The following MACROD1 variants were observed in gnomAD, a reference collection of about 807,000 sequenced individuals.
MACROD1 encodes the protein ADP-ribose glycohydrolase MACROD1.
Under a neutral mutation model 41.4 loss-of-function variants are expected in MACROD1, and 31 were observed. The observed-to-expected ratio is 0.75, with a 90% CI of 0.56 to 1.01. The LOEUF is 1.01. Among genes scored for constraint, MACROD1 ranks in the 50% least tolerant of loss-of-function variants. MACROD1 has a pLI of 0.00. For missense variants in MACROD1, 473 were observed against 460.0 expected (o/e 1.03, Z -0.26); for synonymous variants, 252 against 203.4 (o/e 1.24, Z -2.03).
At chr11:64,005,409 C>A (rs564295620) in intron 4 of MACROD1, among the ~76,000 whole-genome samples, 5 of 152,272 alleles carry the variant, frequency 3.3e-5, no homozygotes, top group Non-Finnish European at 5.9e-5. Context: ...AGCCACACAG[C>A]AAAGTGTAAG....
chr11:64,145,100 G>C (rs1945475432), intron 3 of MACROD1, among the ~76,000 whole-genome samples: 1 of 152,224 alleles, frequency 6.6e-6, no homozygotes, highest in Non-Finnish European at 1.5e-5. Flanking sequence ...TGGGAGGAGG[G>C]CGGTGATAAG....
At chr11:64,016,564 G>T (rs1454501931) in intron 3 of MACROD1, among the ~76,000 whole-genome samples, 6 of 152,274 alleles carry the variant, frequency 3.9e-5, no homozygotes, top group Admixed American at 3.3e-4. Context: ...CGTGAGGACG[G>T]CATGGACGCT....
intron 3 of MACROD1, among the ~76,000 whole-genome samples, chr11:64,050,533 A>T (rs933331555): frequency 1.3e-5 from 2 of 152,148 alleles, no homozygotes; most frequent in Non-Finnish European, 2.9e-5. Flanking sequence ...TCTGTTCCCA[A>T]GGGTCACCTG....
chr11:64,066,744 C>T (rs1277741971), intron 3 of MACROD1, among the ~76,000 whole-genome samples: 1 of 152,208 alleles, frequency 6.6e-6, no homozygotes, highest in Non-Finnish European at 1.5e-5. Flanking sequence ...GGCTTCCTTC[C>T]TACCTTCCAG....
At chr11:64,125,412 TG>T (rs1273752446) in intron 3 of MACROD1, among the ~76,000 whole-genome samples, 1 of 152,184 alleles carries the variant, frequency 6.6e-6, no homozygotes, top group Admixed American at 6.5e-5. Context: ...GCACAGTGCC[TG>T]GCACACAGGG....
intron 2 of MACROD1, 53 bp from the exon 3 acceptor site, chr11:64,151,408 G>A: frequency 1.4e-6 from 2 of 1,400,588 alleles, no homozygotes. Flanking sequence ...ACTGCAGAGG[G>A]ACCCAGCCAG....
At chr11:64,130,699 C>T (rs1032204156) in intron 3 of MACROD1, among the ~76,000 whole-genome samples, 1 of 152,284 alleles carries the variant, frequency 6.6e-6, no homozygotes, top group Admixed American at 6.5e-5. Flanking sequence ...CCACACATGC[C>T]GCTGCCTCCC....
At chr11:64,054,735 T>C (rs1047831319) in intron 3 of MACROD1, among the ~76,000 whole-genome samples, 11 of 152,120 alleles carry the variant, frequency 7.2e-5, no homozygotes, top group African/African-American at 2.4e-4. Flanking sequence ...CTTCCTTGTT[T>C]CCTGCCTGAA....
At position 64,120,036 on chromosome 11, in the gene MACROD1, T is replaced by C. The variant is rs598436; in HGVS notation, c.517+31203A>G. 0.53 allele frequency among the ~76,000 whole-genome samples: 80,972 copies of C among 152,014 alleles called. 24,654 individuals carry two copies. The highest frequency in any genetic ancestry group is 0.68 in the Non-Finnish European group (46,369 of 67,964). On this transcript the variant is annotated intron_variant, in intron 3 of 10. Coordinates refer to ENST00000255681, the MANE Select transcript of MACROD1 (RefSeq NM_014067.4). This position sits in a 1 kb window ranked among gnomAD's most constrained non-coding sequence, Gnocchi z 4.5. Reference sequence around the variant, plus strand: ...GGAGGATGAGAGGGCTGGGAGCGCCTGGTGGTGCTATTTTCAAACGGCCTC... The same window carrying C: ...GGAGGATGAGAGGGCTGGGAGCGCCCGGTGGTGCTATTTTCAAACGGCCTC...
At chr11:64,151,199 A>G in intron 3 of MACROD1, 40 bp downstream of exon 3, 2 of 1,547,508 alleles carry the variant, frequency 1.3e-6, no homozygotes, top group African/African-American at 1.4e-5. Flanking sequence ...CAAAGGCAAC[A>G]GGGCGGCCAC....
chr11:64,097,847 G>A (rs1944605129), intron 3 of MACROD1, among the ~76,000 whole-genome samples: 1 of 152,122 alleles, frequency 6.6e-6, no homozygotes, highest in Non-Finnish European at 1.5e-5. Flanking sequence ...TGCAGATCAG[G>A]ACCAGGCTTG....
At chr11:64,025,486 A>C (rs1425752218) in intron 3 of MACROD1, among the ~76,000 whole-genome samples, 1 of 152,166 alleles carries the variant, frequency 6.6e-6, no homozygotes, top group Non-Finnish European at 1.5e-5. Context: ...GCATGGATGA[A>C]TCAACCTCAC....
At chr11:64,053,963 C>T (rs1943739442) in intron 3 of MACROD1, among the ~76,000 whole-genome samples, 2 of 152,234 alleles carry the variant, frequency 1.3e-5, no homozygotes, top group South Asian at 2.1e-4. Flanking sequence ...GCTGTTCCTG[C>T]GTTCCAGCAC....
In MACROD1 at chr11:64,081,532, C is replaced by G. The variant is rs116707890; in HGVS notation, c.518-66251G>C. On this transcript the variant is annotated intron_variant, in intron 3 of 10. Coordinates refer to ENST00000255681, the MANE Select transcript of MACROD1 (RefSeq NM_014067.4). The stretch of plus-strand genomic sequence containing the variant: ...TTCAGTGAACATCAGTGTAACACCC[C>G]CCCGACCCCATCGCAAACCACACAT... Among the ~76,000 whole-genome samples, 1,230 of 152,252 alleles carry G rather than the reference C, an allele frequency of 8.1e-3. 20 individuals are homozygous for G. Among genetic ancestry groups the G allele is most frequent in the African/African-American group, 0.029 (1,186 of 41,536 alleles).
At chr11:64,101,609 C>G (rs1411809240) in intron 3 of MACROD1, among the ~76,000 whole-genome samples, 1 of 152,178 alleles carries the variant, frequency 6.6e-6, no homozygotes, top group East Asian at 1.9e-4. Context: ...TTCCATCTCT[C>G]GCTTTCATGG....
At chr11:64,061,072 C>G (rs184659506) in intron 3 of MACROD1, among the ~76,000 whole-genome samples, 14 of 152,286 alleles carry the variant, frequency 9.2e-5, no homozygotes, top group African/African-American at 2.4e-4. Flanking sequence ...GCGTCCCCCC[C>G]ACTCCCAACC....
chr11:64,156,567 C>T (rs1270340409), intron 1 of MACROD1, among the ~76,000 whole-genome samples: 1 of 152,200 alleles, frequency 6.6e-6, no homozygotes, highest in East Asian at 1.9e-4. Flanking sequence ...CTGGCAGATG[C>T]CACCACCTTG....
At chr11:64,161,358 G>A (rs1945752606) in intron 1 of MACROD1, among the ~76,000 whole-genome samples, 1 of 152,176 alleles carries the variant, frequency 6.6e-6, no homozygotes, top group Non-Finnish European at 1.5e-5. Context: ...GATATCACAA[G>A]AGTGATTAGC....
At chr11:64,084,928 G>A (rs536735385) in intron 3 of MACROD1, among the ~76,000 whole-genome samples, 1 of 152,340 alleles carries the variant, frequency 6.6e-6, no homozygotes, top group African/African-American at 2.4e-5. Flanking sequence ...AGCCAGCCTT[G>A]GTGCTGCCCT....
Sources: gnomAD v4.1 joint callset for allele counts (sites outside exome capture counted in the v4.1 genomes callset) on GRCh38, gnomAD v4.1.1 for gene constraint, Gnocchi (gnomAD v3.1) non-coding constraint, MANE v1.5 for transcripts, NCBI Gene and HGNC (gene_info 2026-07-23, HGNC 2026-07-21) for gene names.